The following MAP7 variants were observed in gnomAD, a reference collection of about 807,000 sequenced individuals.
MAP7 encodes microtubule associated protein 7.
A neutral mutation model predicts 94.8 loss-of-function variants in MAP7; 52 were observed. The observed-to-expected ratio is 0.55, with a 90% confidence interval of 0.44 to 0.69. MAP7 has a LOEUF of 0.69. Ranked by LOEUF, MAP7 falls within the 30% of genes least tolerant of loss-of-function variation. The pLI is 0.00. For synonymous variants in MAP7, 350 were observed against 357.0 expected (o/e 0.98, Z 0.22); for missense variants, 940 against 964.6 (o/e 0.97, Z 0.34).
At chr6:136,344,743 C>A (rs968837463) in intron 17 of MAP7, among the ~76,000 whole-genome samples, 2 of 152,186 alleles carry the variant, frequency 1.3e-5, no homozygotes, top group Admixed American at 1.3e-4. Flanking sequence ...CCCTTACAAC[C>A]TCCCTTCAAA....
chr6:136,419,143 C>T (rs1366180331), intron 2 of MAP7, among the ~76,000 whole-genome samples: 1 of 152,182 alleles, frequency 6.6e-6, no homozygotes, highest in Non-Finnish European at 1.5e-5. Flanking sequence ...ACTGGTGGTT[C>T]TGTGTTAGAA....
At chr6:136,513,628 T>C (rs1044265761) in intron 1 of MAP7, among the ~76,000 whole-genome samples, 4 of 152,176 alleles carry the variant, frequency 2.6e-5, no homozygotes, top group Non-Finnish European at 5.9e-5. Flanking sequence ...TTGAGTTTTG[T>C]ATGGTAGATG....
At chr6:136,413,525 GAAA>G (rs61053216) in intron 2 of MAP7, among the ~76,000 whole-genome samples, 1 of 105,384 alleles carries the variant, frequency 9.5e-6, no homozygotes. Context: ...CACCGTCTCA[GAAA>G]AAAAAAAAAA....
intron 8 of MAP7, among the ~76,000 whole-genome samples, chr6:136,368,540 TGAA>T (rs1424200588): frequency 1.3e-5 from 2 of 152,246 alleles, no homozygotes; most frequent in Admixed American, 6.5e-5. Flanking sequence ...TCTGATATGA[TGAA>T]GATGTTCTAA....
chr6:136,377,609 AC>A (rs1776553724), intron 7 of MAP7, 145 bp downstream of exon 7: 1 of 604,866 alleles, frequency 1.7e-6, no homozygotes, highest in Non-Finnish European at 3.0e-6. Context: ...GGAAACAATG[AC>A]AGGGGTATGA....
At chr6:136,519,877 C>T (rs183566113) in intron 1 of MAP7, among the ~76,000 whole-genome samples, 1 of 151,978 alleles carries the variant, frequency 6.6e-6, no homozygotes, top group East Asian at 1.9e-4. Flanking sequence ...GTTTTTCCAC[C>T]AAAGAAAAAT....
At chr6:136,421,892 G>A in intron 1 of MAP7, 93 bp from the exon 2 acceptor site, 3 of 927,500 alleles carry the variant, frequency 3.2e-6, no homozygotes, top group East Asian at 2.5e-5. Context: ...GTTAACCTAT[G>A]TACCAGGTTC....
chr6:136,428,044 G>A (rs933479183), intron 1 of MAP7, among the ~76,000 whole-genome samples: 1 of 152,178 alleles, frequency 6.6e-6, no homozygotes, highest in Non-Finnish European at 1.5e-5. Flanking sequence ...ATAGTTATAT[G>A]ACACATAGGG....
intron 13 of MAP7, 109 bp downstream of exon 13, chr6:136,360,588 T>C: frequency 3.6e-6 from 3 of 838,450 alleles, no homozygotes; most frequent in Non-Finnish European, 5.9e-6. Context: ...AGGGGGCTAC[T>C]AGTTTATGTG....
At chr6:136,502,403 A>G (rs1254929121) in intron 1 of MAP7, among the ~76,000 whole-genome samples, 1 of 152,242 alleles carries the variant, frequency 6.6e-6, no homozygotes, top group Non-Finnish European at 1.5e-5. Flanking sequence ...AAAGGCTCTT[A>G]CAAGTTCAAA....
intron 1 of MAP7, among the ~76,000 whole-genome samples, chr6:136,447,103 A>C (rs960317393): frequency 6.6e-6 from 1 of 152,222 alleles, no homozygotes; most frequent in Non-Finnish European, 1.5e-5. Context: ...AATCTGTATC[A>C]TGGTTTTAAC....
chr6:136,472,290 G>A (rs567634181), intron 1 of MAP7, among the ~76,000 whole-genome samples: 3 of 152,144 alleles, frequency 2.0e-5, no homozygotes, highest in East Asian at 3.8e-4. Context: ...ATTAATGGGA[G>A]AGCCTGACAG....
intron 1 of MAP7, among the ~76,000 whole-genome samples, chr6:136,546,540 A>G (rs974660322): frequency 6.6e-6 from 1 of 152,032 alleles, no homozygotes; most frequent in Non-Finnish European, 1.5e-5. Context: ...CACTTTTTAA[A>G]ATTTAACTTC....
At chr6:136,526,609 C>A (rs753763964) in intron 1 of MAP7, 7 of 985,488 alleles carry the variant, frequency 7.1e-6, no homozygotes, top group Non-Finnish European at 8.4e-6. Context: ...AGGGTTACAG[C>A]GTGAGGCCGC....
At chr6:136,468,291 T>G (rs543778953) in intron 1 of MAP7, among the ~76,000 whole-genome samples, 1 of 152,306 alleles carries the variant, frequency 6.6e-6, no homozygotes, top group South Asian at 2.1e-4. Flanking sequence ...TGATCATCTA[T>G]TATGTGTCAG....
chr6:136,490,378 G>A (rs939723536), intron 1 of MAP7, among the ~76,000 whole-genome samples: 3 of 152,138 alleles, frequency 2.0e-5, no homozygotes, highest in Admixed American at 6.5e-5. Flanking sequence ...ATGTCATTAA[G>A]ATACTGTATG....
chr6:136,526,330 G>A (rs200773576), intron 1 of MAP7: 6 of 1,001,100 alleles, frequency 6.0e-6, no homozygotes, highest in Admixed American at 5.7e-5. Flanking sequence ...CTACAGACAC[G>A]CAGGGTCTGA....
intron 1 of MAP7, among the ~76,000 whole-genome samples, chr6:136,438,370 A>G (rs999166047): frequency 6.6e-6 from 1 of 152,210 alleles, no homozygotes; most frequent in Non-Finnish European, 1.5e-5. Flanking sequence ...TCTGAATCTA[A>G]CCTGGTTCGA....
chr6:136,429,535 T>A (rs1333883207), intron 1 of MAP7, among the ~76,000 whole-genome samples: 1 of 152,212 alleles, frequency 6.6e-6, no homozygotes, highest in Non-Finnish European at 1.5e-5. Flanking sequence ...ATTTTGATAA[T>A]CTGTTATGTA....
Sources: gnomAD v4.1 joint callset for allele counts (sites outside exome capture counted in the v4.1 genomes callset) on GRCh38, gnomAD v4.1.1 for gene constraint, MANE v1.5 for transcripts, NCBI Gene and HGNC (gene_info 2026-07-23, HGNC 2026-07-21) for gene names.